Variants in ETFB observed in about 807,000 individuals in gnomAD.
ETFB encodes the protein electron transfer flavoprotein subunit beta.
ETFB carries 20 observed loss-of-function variants against 25.6 expected under a neutral mutation model. The observed-to-expected ratio is 0.78, with a 90% CI of 0.55 to 1.14. The LOEUF is 1.14. Among genes scored for constraint, ETFB ranks in the 50% most tolerant of loss-of-function variants. The pLI is 0.00. For missense variants in ETFB, 286 were observed against 342.6 expected (o/e 0.83, Z 1.30); for synonymous variants, 142 against 146.7 (o/e 0.97, Z 0.23).
intron 1 of ETFB, among the ~76,000 whole-genome samples, chr19:51,364,595 G>C (rs1986307682): frequency 6.6e-6 from 1 of 152,202 alleles, no homozygotes; most frequent in East Asian, 1.9e-4. Context: ...GGGCTGGGAT[G>C]GAGAGAAGAG....
In ETFB at chr19:51,353,229, G is replaced by A. The variant is rs139519507; in HGVS notation, c.278C>T (p.Pro93Leu). 2.4e-4 allele frequency: 382 copies of A among 1,613,986 alleles called. 1 individual carries two copies. Among genetic ancestry groups the A allele is most frequent in the Admixed American group, 3.7e-4 (22 of 60,022 alleles). Reference sequence around the variant, plus strand: ...GGGACCCAAGCGTTCTGCTTCTGCTGGGGGCACCTCCACGTGGATACCTCG... The same window carrying A: ...GGGACCCAAGCGTTCTGCTTCTGCTAGGGGCACCTCCACGTGGATACCTCG... ...ADRGIHVEVPPAEAERLGPLQ... is the reference protein window; with the variant it reads ...ADRGIHVEVPLAEAERLGPLQ... Residue 93 changes from proline to leucine, a missense_variant, in exon 3 of 6, where the codon CCA becomes CTA. Physicochemically the swap from Pro to Leu is moderately conservative, Grantham distance 98. Coordinates refer to ENST00000309244, the MANE Select transcript of ETFB (RefSeq NM_001985.3).
At chr19:51,362,530 A>AGTGAGCTGAGATCG (rs1986258522) in intron 1 of ETFB, among the ~76,000 whole-genome samples, 1 of 152,078 alleles carries the variant, frequency 6.6e-6, no homozygotes, top group African/African-American at 2.4e-5. Context: ...AGCTGAGATC[A>AGTGAGCTGAGATCG]TGCCACTGCA....
intron 1 of ETFB, among the ~76,000 whole-genome samples, chr19:51,362,643 A>T (rs1253194772): frequency 1.3e-5 from 2 of 152,200 alleles, no homozygotes; most frequent in Non-Finnish European, 2.9e-5. Flanking sequence ...TTTTCATTAC[A>T]ACTCAATAAA....
At chr19:51,345,530 A>C in intron 5 of ETFB, 149 bp from the exon 6 acceptor site, 7 of 795,324 alleles carry the variant, frequency 8.8e-6, no homozygotes, top group Non-Finnish European at 1.5e-5. Flanking sequence ...GAAACTTCTC[A>C]CAGGGCCACA....
chr19:51,366,280 T>A lies in ETFB; in HGVS notation c.47A>T (p.Tyr16Phe). Reference protein sequence around the residue: ...VLVAVKRVIDYAVKIRVKPDR... With the variant: ...VLVAVKRVIDFAVKIRVKPDR... ...GGGGGGCCCGATCACCTTCACGGCG[T>A]AGTCGATGACCCTCTTGACAGCTAC... Residue 16 changes from tyrosine to phenylalanine, a missense_variant, in exon 1 of 6, where the codon TAC becomes TTC. Transcript: ENST00000309244. The A allele has an allele frequency of 6.2e-7, 1 of 1,613,918 alleles. No individual in the cohort carries two copies. The highest frequency in any genetic ancestry group is 8.5e-7 in the Non-Finnish European group (1 of 1,179,976).
intron 3 of ETFB, among the ~76,000 whole-genome samples, chr19:51,351,606 C>T (rs1035019708): frequency 8.5e-5 from 13 of 152,240 alleles, no homozygotes; most frequent in African/African-American, 2.4e-4. Context: ...TCCAGCACCT[C>T]GGCCTCTGCA....
At position 51,353,197 on chromosome 19, in the gene ETFB, C is replaced by G. The variant is rs1985971498; in HGVS notation, c.310G>C (p.Val104Leu). The change falls in exon 3 of 6, where the codon GTG becomes CTG. Residue 104 changes from valine to leucine, a missense_variant. Transcript: ENST00000309244. The part of the protein sequence containing the change: ...AEAERLGPLQ[V>L]ARVLAKLAEK... ...GCCAGCTTGGCCAGGACCCGAGCCA[C>G]CTGCAGGGGACCCAAGCGTTCTGCT... 1 of 1,614,048 alleles carries G rather than the reference C, an allele frequency of 6.2e-7. No individual in the cohort carries two copies. The highest frequency in any genetic ancestry group is 1.7e-5 in the Admixed American group (1 of 60,008).
chr19:51,358,251 T>C (rs1488913083), intron 1 of ETFB, among the ~76,000 whole-genome samples: 12 of 152,046 alleles, frequency 7.9e-5, no homozygotes, highest in Admixed American at 7.9e-4. Flanking sequence ...TGCCCCTTTT[T>C]CTCTGGGGCT....
intron 1 of ETFB, among the ~76,000 whole-genome samples, chr19:51,363,773 T>A (rs1459534562): frequency 2.6e-5 from 4 of 151,956 alleles, no homozygotes; most frequent in African/African-American, 9.7e-5. Context: ...TTTGATATAA[T>A]CCATGAGTTG....
At chr19:51,361,415 C>T (rs1164559522) in intron 1 of ETFB, among the ~76,000 whole-genome samples, 2 of 152,098 alleles carry the variant, frequency 1.3e-5, no homozygotes, top group Admixed American at 6.5e-5. Flanking sequence ...ACTAACTCGG[C>T]GGGGGGCAGA....
chr19:51,348,766 G>C (rs1985860866), intron 4 of ETFB, among the ~76,000 whole-genome samples: 1 of 152,084 alleles, frequency 6.6e-6, no homozygotes, highest in Non-Finnish European at 1.5e-5. Flanking sequence ...GCAGTTACTA[G>C]AAAACTTTTA....
chr19:51,358,916 CT>C (rs1338359785), intron 1 of ETFB, among the ~76,000 whole-genome samples: 1 of 151,810 alleles, frequency 6.6e-6, no homozygotes, highest in Non-Finnish European at 1.5e-5. Context: ...GGAGGATCAC[CT>C]GAGCCCAGGA....
At chr19:51,349,633 T>TG (rs1458024852) in intron 4 of ETFB, among the ~76,000 whole-genome samples, 11 of 151,746 alleles carry the variant, frequency 7.2e-5, no homozygotes, top group Non-Finnish European at 1.5e-5. Context: ...TTGGTAGAGA[T>TG]GGGGTCTAAC....
At chr19:51,349,847 TCAAG>T (rs1599840119) in intron 4 of ETFB, among the ~76,000 whole-genome samples, 1 of 43,328 alleles carries the variant, frequency 2.3e-5, no homozygotes, top group East Asian at 3.1e-4. Context: ...CCTCCCAAGT[TCAAG>T]CAATTCTCCC....
intron 1 of ETFB, chr19:51,361,704 T>G (rs1284438863): frequency 1.2e-4 from 17 of 142,300 alleles, no homozygotes; most frequent in Admixed American, 1.2e-3. Context: ...TGGGTTTTTT[T>G]TTTTTTTTTT....
intron 2 of ETFB, 83 bp downstream of exon 2, chr19:51,354,067 C>T (rs1173643571): frequency 6.7e-7 from 1 of 1,483,808 alleles, no homozygotes; most frequent in African/African-American, 1.4e-5. Context: ...CAGCCTCCTC[C>T]TCCCTCAGAC....
intron 1 of ETFB, among the ~76,000 whole-genome samples, chr19:51,362,508 G>A (rs1273439095): frequency 6.6e-6 from 1 of 152,212 alleles, no homozygotes; most frequent in Admixed American, 6.5e-5. Context: ...CTGGGAAGTG[G>A]AGGTTCCAGT....
chr19:51,351,728 T>C (rs939781718), intron 3 of ETFB, among the ~76,000 whole-genome samples: 1 of 152,220 alleles, frequency 6.6e-6, no homozygotes, highest in Non-Finnish European at 1.5e-5. Context: ...TCTGTTTTCT[T>C]CTGACTTTCT....
At chr19:51,345,527 C>T in intron 5 of ETFB, 146 bp from the exon 6 acceptor site, 1 of 815,844 alleles carries the variant, frequency 1.2e-6, no homozygotes, top group Middle Eastern at 3.4e-4. Context: ...CGCGAAACTT[C>T]TCACAGGGCC....
Sources: allele counts gnomAD v4.1 joint callset (sites outside exome capture counted in the v4.1 genomes callset), GRCh38; gene constraint gnomAD v4.1.1; transcripts MANE v1.5; gene names NCBI Gene and HGNC (gene_info 2026-07-23, HGNC 2026-07-21).